Variants in CFAP47 observed in about 807,000 individuals in gnomAD.
CFAP47 encodes cilia- and flagella-associated protein 47.
A neutral mutation model predicts 148.1 loss-of-function variants in CFAP47; 29 were observed. The ratio of observed to expected loss-of-function variants is 0.20; its 90% CI spans 0.15 to 0.27. CFAP47 has a LOEUF of 0.27. CFAP47 is among the 10% of genes least tolerant of loss of function. The pLI is 1.00. For missense variants in CFAP47, 1,872 were observed against 1,697.5 expected, an observed-to-expected ratio of 1.10 and a Z score of -1.81; for synonymous variants, 664 against 577.3, an observed-to-expected ratio of 1.15 and a Z score of -2.15.
intron 22 of CFAP47, among the ~76,000 whole-genome samples, chrX:36,015,950 G>C: frequency 9.1e-6 from 1 of 110,307 alleles, no homozygotes; most frequent in Middle Eastern, 4.6e-3. Flanking sequence ...ATATGCTTGT[G>C]ATCTTACTGC....
At position 36,099,788 on chromosome X, in the gene CFAP47, C is replaced by T; in HGVS notation, c.5036C>T (p.Pro1679Leu). 2.3e-6 allele frequency: 2 copies of T among 883,063 alleles called. No individual in the cohort carries two copies. The highest frequency in any genetic ancestry group is 1.7e-6 in the Non-Finnish European group (1 of 599,124). The allele number at this position is 883,063 out of a possible 1,213,427, so 72.8% of individuals were successfully genotyped here. The change falls in exon 32 of 64, where the codon CCT becomes CTT. Residue 1679 changes from proline (P) to leucine (L), a missense_variant. By Grantham distance (98) the Pro-to-Leu change is moderately conservative (BLOSUM62 -3). Transcript: ENST00000378653. ...TNTMPVSSCTPKKKCSIVIEM... is the reference protein window; with the variant it reads ...TNTMPVSSCTLKKKCSIVIEM... ...ACGATGCCTGTGAGTTCCTGTACACCTAAGAAAAAATGTTCTATTGTTATA... is the reference window on the plus strand; with the variant it reads ...ACGATGCCTGTGAGTTCCTGTACACTTAAGAAAAAATGTTCTATTGTTATA...
rs769355777 is a variant in CFAP47, at chrX:35,975,177, G to A, written c.2285G>A (p.Cys762Tyr). 20 of 1,185,321 alleles carry A rather than the reference G, an allele frequency of 1.7e-5. No individual in the cohort carries two copies. Among genetic ancestry groups the A allele is most frequent in the Non-Finnish European group, 2.2e-5 (19 of 878,820 alleles). ...GPSVLNFGNI[C>Y]VNSPNTHLLH... ...TCTGTCCTTAACTTTGGTAATATTT[G>A]TGTGAACTCTCCAAATACTCATCTA... The change falls in exon 14 of 64, where the codon TGT (cysteine) becomes TAT (tyrosine). Residue 762 changes from cysteine (C) to tyrosine (Y), a missense_variant. Physicochemically the swap from Cys to Tyr is radical, Grantham distance 194 (BLOSUM62 -2). Coordinates refer to ENST00000378653, the MANE Select transcript of CFAP47 (RefSeq NM_001304548.2).
rs782408800 is a variant in CFAP47, at chrX:36,367,087, A to G, written c.9145A>G (p.Lys3049Glu). The change falls in exon 62 of 64, where the codon AAG becomes GAG. Residue 3049 changes from lysine to glutamate, a missense_variant. Coordinates refer to ENST00000378653, the MANE Select transcript of CFAP47 (RefSeq NM_001304548.2). ...VIDIEGVGLF[K>E]ESVFELRLKS... ...TGACATTGAAGGAGTTGGTTTATTTAAGGAATCTGTTTTTGAACTTAGGCT... is the reference window on the plus strand; with the variant it reads ...TGACATTGAAGGAGTTGGTTTATTTGAGGAATCTGTTTTTGAACTTAGGCT... The G allele has an allele frequency of 1.7e-6, 2 of 1,159,544 alleles. No individual in the cohort carries two copies. The highest frequency in any genetic ancestry group is 3.9e-5 in the South Asian group (2 of 51,469).
intron 33 of CFAP47, among the ~76,000 whole-genome samples, chrX:36,127,446 G>T (rs2146819749): frequency 9.0e-6 from 1 of 111,278 alleles, no homozygotes; most frequent in South Asian, 3.8e-4. Context: ...CTGTTCCATG[G>T]GTCTATATAT....
At chrX:36,136,713 A>G (rs1161564141) in intron 33 of CFAP47, among the ~76,000 whole-genome samples, 1 of 111,392 alleles carries the variant, frequency 9.0e-6, no homozygotes, top group African/African-American at 3.3e-5. Context: ...TGTTCTATAT[A>G]CATATACTCT....
intron 22 of CFAP47, among the ~76,000 whole-genome samples, chrX:36,015,301 T>G (rs1272362753): frequency 9.0e-6 from 1 of 110,504 alleles, no homozygotes; most frequent in African/African-American, 3.3e-5. Context: ...AAGGGATGGG[T>G]TACTAAAAGA....
At chrX:36,121,603 A>G (rs1353643450) in intron 33 of CFAP47, among the ~76,000 whole-genome samples, 2 of 111,576 alleles carry the variant, frequency 1.8e-5, no homozygotes, top group Non-Finnish European at 3.8e-5. Context: ...TTAACTTGAT[A>G]ACAACTTAAC....
intron 4 of CFAP47, among the ~76,000 whole-genome samples, chrX:35,949,041 C>T (rs924486404): frequency 6.4e-5 from 7 of 108,944 alleles, no homozygotes; most frequent in African/African-American, 1.0e-4. Flanking sequence ...CATTTTTGTG[C>T]GGTATGTCTT....
At chrX:36,330,037 A>G (rs915768711) in intron 57 of CFAP47, among the ~76,000 whole-genome samples, 2 of 112,143 alleles carry the variant, frequency 1.8e-5, no homozygotes, top group African/African-American at 6.5e-5. Flanking sequence ...ATCTATCATA[A>G]TATCTTTTTG....
intron 2 of CFAP47, among the ~76,000 whole-genome samples, chrX:35,929,630 C>T (rs1935795287): frequency 9.0e-6 from 1 of 110,787 alleles, no homozygotes; most frequent in South Asian, 3.8e-4. Flanking sequence ...GTGTTTTTTC[C>T]CATTCAAAAG....
chrX:36,165,758 T>C (rs1169089740), intron 39 of CFAP47, among the ~76,000 whole-genome samples: 2 of 111,652 alleles, frequency 1.8e-5, no homozygotes, highest in Non-Finnish European at 3.8e-5. Flanking sequence ...ATTTTTTCTT[T>C]ATTCTGAAAC....
chrX:35,932,024 C>G (rs1003832469), intron 2 of CFAP47, among the ~76,000 whole-genome samples: 4 of 96,035 alleles, frequency 4.2e-5, no homozygotes, highest in African/African-American at 1.5e-4. Flanking sequence ...CTCCCTCCCT[C>G]CTTTCCTTTC....
chrX:36,309,637 C>A (rs903170858), intron 55 of CFAP47, among the ~76,000 whole-genome samples: 1 of 110,983 alleles, frequency 9.0e-6, no homozygotes, highest in Non-Finnish European at 1.9e-5. Flanking sequence ...GTACTCTATG[C>A]GACTTGAGAA....
intron 51 of CFAP47, among the ~76,000 whole-genome samples, chrX:36,288,897 A>G (rs1941162158): frequency 9.1e-6 from 1 of 109,765 alleles, no homozygotes; most frequent in Admixed American, 9.8e-5. Flanking sequence ...TAAAAAACAC[A>G]TGTGAGTTGC....
Position 36,299,017 on chromosome X carries a change from A to T in CFAP47, c.7727A>T (p.Asp2576Val), listed in dbSNP as rs781844758. 1 of 1,155,913 alleles carries T rather than the reference A, an allele frequency of 8.7e-7. No individual in the cohort carries two copies. ...CIEIPLSNPK[D>V]RGLHLEVQLT... ...GAAATACCTCTCTCTAATCCAAAAGATAGAGGTCTTCACTTAGAGGTGCAG... is the reference window on the plus strand; with the variant it reads ...GAAATACCTCTCTCTAATCCAAAAGTTAGAGGTCTTCACTTAGAGGTGCAG... Residue 2576 changes from aspartate to valine, a missense_variant, in exon 52 of 64, where the codon GAT (aspartate) becomes GTT (valine). Coordinates refer to ENST00000378653, the MANE Select transcript of CFAP47 (RefSeq NM_001304548.2).
chrX:35,940,476 T>G, intron 2 of CFAP47, among the ~76,000 whole-genome samples: 2 of 111,688 alleles, frequency 1.8e-5, no homozygotes, highest in South Asian at 7.4e-4. Context: ...CTCTGATAGC[T>G]GACTAGATAC....
At chrX:36,049,652 C>T (rs1157988505) in intron 26 of CFAP47, among the ~76,000 whole-genome samples, 1 of 111,667 alleles carries the variant, frequency 9.0e-6, no homozygotes, top group African/African-American at 3.3e-5. Flanking sequence ...CATGAATCGT[C>T]TCTATGGTTA....
intron 33 of CFAP47, among the ~76,000 whole-genome samples, chrX:36,126,758 G>GT (rs764829802): frequency 2.9e-4 from 33 of 111,902 alleles, no homozygotes; most frequent in Admixed American, 1.9e-4. Flanking sequence ...TCCAGCATCT[G>GT]TTTTTTCCTG....
chrX:36,058,167 A>C (rs1435736908), intron 26 of CFAP47, among the ~76,000 whole-genome samples: 1 of 111,640 alleles, frequency 9.0e-6, no homozygotes, highest in Non-Finnish European at 1.9e-5. Context: ...CATTCTTTTC[A>C]ATTCCTGCAT....
Sources: allele counts gnomAD v4.1 joint callset (sites outside exome capture counted in the v4.1 genomes callset), GRCh38; gene constraint gnomAD v4.1.1; transcripts MANE v1.5; gene names NCBI Gene and HGNC (gene_info 2026-07-23, HGNC 2026-07-21).